Variants in UBE3B observed in about 807,000 individuals in gnomAD.
UBE3B encodes the protein ubiquitin protein ligase E3B.
A neutral mutation model predicts 132.3 loss-of-function variants in UBE3B; 80 were observed. The ratio of observed to expected loss-of-function variants is 0.60; its 90% confidence interval spans 0.50 to 0.73. The LOEUF is 0.73. Among genes scored for constraint, UBE3B ranks in the 30% least tolerant of loss-of-function variants. UBE3B has a pLI of 0.00. For synonymous variants in UBE3B, 487 were observed against 520.4 expected (o/e 0.94, Z 0.87); for missense variants, 1,196 against 1,362.5 (o/e 0.88, Z 1.92).
chr12:109,533,234 C>T (rs965699957), intron 26 of UBE3B, among the ~76,000 whole-genome samples: 1 of 152,170 alleles, frequency 6.6e-6, no homozygotes, highest in Non-Finnish European at 1.5e-5. Flanking sequence ...CCAGTCGCAC[C>T]TATTGGGTAT....
Position 109,516,785 on chromosome 12 carries a change from C to T in UBE3B, c.1977C>T (p.Thr659=), listed in dbSNP as rs575025353. ...TTTAGAGAGTTCTACTGTTTCGAACCATGGTTACCAAGGAGAAGGAGAAAC... is the reference window on the plus strand; with the variant it reads ...TTTAGAGAGTTCTACTGTTTCGAACTATGGTTACCAAGGAGAAGGAGAAAC... ...PHKNRVLLFR[T]MVTKEKEKLG... The change falls in exon 19 of 28, where the codon ACC becomes ACT. Residue 659 remains threonine (T), a synonymous_variant. Transcript: ENST00000342494. The T allele has an allele frequency of 8.1e-6, 13 of 1,614,006 alleles. No individual in the cohort carries two copies. Among genetic ancestry groups the T allele is most frequent in the Admixed American group, 3.3e-5 (2 of 59,998 alleles).
chr12:109,515,001 C>T (rs1225747715), intron 18 of UBE3B, among the ~76,000 whole-genome samples: 2 of 151,926 alleles, frequency 1.3e-5, no homozygotes, highest in African/African-American at 2.4e-5. Context: ...GCAAGCTCCA[C>T]CTACCGGGTT....
At chr12:109,520,846 G>T in intron 19 of UBE3B, 3 of 250,822 alleles carry the variant, frequency 1.2e-5, no homozygotes, top group Non-Finnish European at 7.6e-6. Context: ...TTCATCCTTT[G>T]TCTGATGGCC....
chr12:109,533,143 C>G (rs778420746), intron 26 of UBE3B, among the ~76,000 whole-genome samples: 3 of 152,190 alleles, frequency 2.0e-5, no homozygotes, highest in African/African-American at 4.8e-5. Flanking sequence ...GGAGACCTGC[C>G]TCTCGGGGAC....
rs1883262984 is a variant in UBE3B, at chr12:109,534,445, G to A, written c.3016-146G>A. 7.7e-6 allele frequency: 11 copies of A among 1,431,164 alleles called. No homozygotes were observed. The highest frequency in any genetic ancestry group is 1.5e-5 in the African/African-American group (1 of 68,930). 88.7% of individuals were successfully genotyped at this position (1,431,164 alleles called of 1,614,324 possible). On this transcript the variant is annotated intron_variant, in intron 27 of 27. Transcript: ENST00000342494. This position sits in a 1 kb window ranked among gnomAD's most constrained non-coding sequence, Gnocchi z 5.2. ...CGTCTTGTGTCTGGGGCTTGACCTCGGGTAGTGGTGCCAGGGCAGCGCCCT... is the reference window on the plus strand; with the variant it reads ...CGTCTTGTGTCTGGGGCTTGACCTCAGGTAGTGGTGCCAGGGCAGCGCCCT...
chr12:109,506,126 G>A (rs1158885731), intron 14 of UBE3B, among the ~76,000 whole-genome samples: 1 of 152,156 alleles, frequency 6.6e-6, no homozygotes, highest in Non-Finnish European at 1.5e-5. Context: ...TTCCATTTTT[G>A]TATAGTTCAG....
chr12:109,505,734 C>A (rs138753953), intron 14 of UBE3B, among the ~76,000 whole-genome samples: 233 of 152,314 alleles, frequency 1.5e-3, no homozygotes, highest in African/African-American at 5.3e-3. Flanking sequence ...TAAATTGATA[C>A]AATTCTTGGC....
downstream of UBE3B, among the ~76,000 whole-genome samples, chr12:109,539,820 C>T (rs1883571944): frequency 6.6e-6 from 1 of 152,136 alleles, no homozygotes; most frequent in Non-Finnish European, 1.5e-5. Flanking sequence ...GCCCACACCC[C>T]AGCTATTCCC....
intron 2 of UBE3B, among the ~76,000 whole-genome samples, chr12:109,482,036 CT>C (rs1210829703): frequency 6.6e-6 from 1 of 151,776 alleles, no homozygotes; most frequent in African/African-American, 2.4e-5. Context: ...CTTGCACCAA[CT>C]TTTTTTTGGT....
At chr12:109,482,524 G>A (rs535206927) in intron 2 of UBE3B, among the ~76,000 whole-genome samples, 1 of 152,346 alleles carries the variant, frequency 6.6e-6, no homozygotes, top group African/African-American at 2.4e-5. Context: ...TCATGTGGGT[G>A]CTACTTCAAG....
chr12:109,534,841 A>T lies in UBE3B; in HGVS notation c.*59A>T. ...GCTGCCAGGGACCTTCAGCTCCCAG[A>T]GGCAGTGTGGTCCTGGGAATGTGAC... On this transcript the variant is annotated 3_prime_UTR_variant, in exon 28 of 28. Coordinates refer to ENST00000342494, the MANE Select transcript of UBE3B (RefSeq NM_130466.4). This position sits in a 1 kb window ranked among gnomAD's most constrained non-coding sequence, Gnocchi z 5.2. The T allele has an allele frequency of 1.4e-6, 2 of 1,399,830 alleles. No homozygotes were observed. Among genetic ancestry groups the T allele is most frequent in the Non-Finnish European group, 1.9e-6 (2 of 1,043,566 alleles). 86.7% of individuals were successfully genotyped at this position (1,399,830 alleles called of 1,614,324 possible).
chr12:109,499,203 C>T lies in UBE3B; in HGVS notation c.941-430C>T, dbSNP rs1452286020. Among the ~76,000 whole-genome samples the T allele has an allele frequency of 3.3e-5, 5 of 152,180 alleles. 1 individual carries two copies. The highest frequency in any genetic ancestry group is 2.1e-4 in the South Asian group (1 of 4,830). On this transcript the variant is annotated intron_variant, in intron 11 of 27. Coordinates refer to ENST00000342494, the MANE Select transcript of UBE3B (RefSeq NM_130466.4). ...AACGTTGAATAACAGCGACTTCCCA[C>T]GACACTCAGATACTCTTCAAAGACC...
Position 109,535,306 on chromosome 12 carries a change from C to T in UBE3B, c.*524C>T, listed in dbSNP as rs900980325. The stretch of plus-strand genomic sequence containing the variant: ...CTCCATGCCGTCCACAGCGCCTCTT[C>T]CCAGACAGCCAGGCCCATCTGCTGC... On this transcript the variant is annotated 3_prime_UTR_variant, in exon 28 of 28. Coordinates refer to ENST00000342494, the MANE Select transcript of UBE3B (RefSeq NM_130466.4). 1.3e-5 allele frequency: 2 copies of T among 152,378 alleles called. No homozygotes were observed. Among genetic ancestry groups the T allele is most frequent in the South Asian group, 2.1e-4 (1 of 4,828 alleles). The allele number at this position is 152,378 out of a possible 1,614,324, so 9.4% of individuals were successfully genotyped here.
intron 26 of UBE3B, among the ~76,000 whole-genome samples, chr12:109,532,149 C>T (rs1255150243): frequency 2.6e-5 from 4 of 152,146 alleles, no homozygotes; most frequent in African/African-American, 9.7e-5. Flanking sequence ...GAATTTGCAG[C>T]GGGCAGACCT....
chr12:109,538,111 T>C (rs1159306473), downstream of UBE3B, among the ~76,000 whole-genome samples: 1 of 152,252 alleles, frequency 6.6e-6, no homozygotes, highest in South Asian at 2.1e-4. The surrounding 1 kb of genome is among the most constrained non-coding windows in gnomAD (Gnocchi z 4.1). Flanking sequence ...ATAATTGTAA[T>C]ATGCTGACAG....
intron 26 of UBE3B, among the ~76,000 whole-genome samples, chr12:109,532,293 CAG>C (rs1172235659): frequency 1.3e-5 from 2 of 152,318 alleles, no homozygotes; most frequent in South Asian, 4.1e-4. Flanking sequence ...ATGCTCGTCA[CAG>C]TGTGGAAACA....
rs763169673 is a variant in UBE3B at position 109,534,561 on chromosome 12, C to A, written c.3016-30C>A. 3.2e-6 allele frequency: 5 copies of A among 1,579,164 alleles called. No homozygotes were observed. The highest frequency in any genetic ancestry group is 3.4e-6 in the Non-Finnish European group (4 of 1,162,610). ...CCTGGGCTCCCAAACTAGGCCCTTC[C>A]CAATTCAAGGCCACGATGTGTGCCT... On this transcript the variant is annotated intron_variant, in intron 27 of 27. Transcript: ENST00000342494. The surrounding 1 kb of genome is among the most constrained non-coding windows in gnomAD (Gnocchi z 5.2).
intron 7 of UBE3B, among the ~76,000 whole-genome samples, 172 bp from the exon 8 acceptor site, chr12:109,489,747 A>G (rs963268209): frequency 6.6e-6 from 1 of 152,234 alleles, no homozygotes; most frequent in Non-Finnish European, 1.5e-5. Context: ...AGAGAGTTCC[A>G]GGTACGCATT....
At chr12:109,544,170 C>T in the UBE3B span, among the ~76,000 whole-genome samples, 2 of 152,206 alleles carry the variant, frequency 1.3e-5, no homozygotes. Flanking sequence ...TTCCCAGACA[C>T]AGAGTTCTCA....
Sources: gnomAD v4.1 joint callset for allele counts (sites outside exome capture counted in the v4.1 genomes callset) on GRCh38, gnomAD v4.1.1 for gene constraint, Gnocchi (gnomAD v3.1) non-coding constraint, MANE v1.5 for transcripts, NCBI Gene and HGNC (gene_info 2026-07-23, HGNC 2026-07-21) for gene names.